Variants in COBL observed in about 807,000 individuals in gnomAD.
The protein encoded by COBL is protein cordon-bleu.
COBL carries 51 observed loss-of-function variants against 98.8 expected under a neutral mutation model. The observed-to-expected ratio is 0.52, with a 90% CI of 0.41 to 0.65. The LOEUF (loss-of-function observed/expected upper bound fraction) is 0.65, where lower values mean the gene tolerates loss of function less well. Among genes scored for constraint, COBL ranks in the 30% least tolerant of loss-of-function variants. The pLI, the probability that COBL is intolerant of heterozygous loss-of-function variation, is 0.00. For missense variants in COBL, 1,617 were observed against 1,617.5 expected, an observed-to-expected ratio of 1.00 and a Z score of 0.01; for synonymous variants, 634 against 651.7, an observed-to-expected ratio of 0.97 and a Z score of 0.41.
At position 51,316,745 on chromosome 7, in the gene COBL, T is replaced by G; in HGVS notation, c.-112A>C. On this transcript the variant is annotated 5_prime_UTR_variant, in exon 1 of 13. Coordinates refer to ENST00000265136, the MANE Select transcript of COBL (RefSeq NM_015198.5). ...CTTTTTCCGCGCTGACCCATCGTCC[T>G]CCCACGCGGGCCGGCGGAGGACAGC... 1.2e-6 allele frequency: 1 copy of G among 854,894 alleles called. No homozygotes were observed. The highest frequency in any genetic ancestry group is 3.9e-5 in the East Asian group (1 of 25,958). 53.0% of individuals were successfully genotyped at this position (854,894 alleles called of 1,614,324 possible).
At chr7:51,023,983 C>G (rs1787210022) in intron 12 of COBL, among the ~76,000 whole-genome samples, 1 of 152,162 alleles carries the variant, frequency 6.6e-6, no homozygotes, top group Non-Finnish European at 1.5e-5. Flanking sequence ...CAAGTGAAAA[C>G]ATAAGCTTAG....
At chr7:51,074,283 A>C (rs886177135) in intron 7 of COBL, among the ~76,000 whole-genome samples, 1 of 142,538 alleles carries the variant, frequency 7.0e-6, no homozygotes, top group Non-Finnish European at 1.5e-5. Flanking sequence ...GCAACCTCCA[A>C]CTCCCTGATT....
intron 5 of COBL, among the ~76,000 whole-genome samples, chr7:51,147,047 G>A (rs1242538966): frequency 2.6e-5 from 4 of 152,280 alleles, no homozygotes; most frequent in African/African-American, 4.8e-5. Context: ...CCTGCATAGG[G>A]ACAGCAGAAG....
At chr7:51,144,770 A>G (rs1300421258) in intron 5 of COBL, among the ~76,000 whole-genome samples, 1 of 152,160 alleles carries the variant, frequency 6.6e-6, no homozygotes. Context: ...TACCTGTTCC[A>G]TATGTTTCAT....
chr7:51,088,346 C>T (rs1419754648), intron 6 of COBL, among the ~76,000 whole-genome samples: 1 of 106,002 alleles, frequency 9.4e-6, no homozygotes, highest in Non-Finnish European at 2.0e-5. Context: ...TGATTTCCCC[C>T]CCTCTTGGAA....
intron 1 of COBL, among the ~76,000 whole-genome samples, chr7:51,258,562 A>G (rs1797404780): frequency 6.6e-6 from 1 of 152,094 alleles, no homozygotes; most frequent in African/African-American, 2.4e-5. Flanking sequence ...CTTTTCTTTG[A>G]CCCTTCCTTT....
Position 51,058,256 on chromosome 7 carries a change from A to G in COBL, c.1097-14564T>C, listed in dbSNP as rs1337869781. ...ACATTTTTCTCCATCTTTTGTGTCA[A>G]TTTAAACAATTATGGGTACCGTGAC... On this transcript the variant is annotated intron_variant, in intron 7 of 12. Coordinates refer to ENST00000265136, the MANE Select transcript of COBL (RefSeq NM_015198.5). Among the ~76,000 whole-genome samples, 4 of 152,254 alleles carry G rather than the reference A, an allele frequency of 2.6e-5. No homozygotes were observed. In the South Asian group the frequency reaches 8.3e-4, roughly 32 times the overall value.
At chr7:51,314,722 A>G (rs565288506) in intron 1 of COBL, among the ~76,000 whole-genome samples, 1 of 152,380 alleles carries the variant, frequency 6.6e-6, no homozygotes, top group East Asian at 1.9e-4. Flanking sequence ...TTTCTTGGAC[A>G]AAGATGTTCG....
intron 7 of COBL, among the ~76,000 whole-genome samples, chr7:51,056,321 G>C (rs1402489799): frequency 2.0e-5 from 3 of 151,858 alleles, no homozygotes; most frequent in Non-Finnish European, 4.4e-5. Flanking sequence ...AGATGCTGGA[G>C]AAAACAGAGG....
chr7:51,265,494 G>T (rs1377280485), intron 1 of COBL, among the ~76,000 whole-genome samples: 3 of 152,174 alleles, frequency 2.0e-5, no homozygotes, highest in Non-Finnish European at 4.4e-5. Flanking sequence ...GGTGAGGCAG[G>T]GTGTTTGCAG....
Position 51,018,900 on chromosome 7 carries a change from AAAAAAATAT to A in COBL, c.3769-1341_3769-1333del, listed in dbSNP as rs1489502392. 2.2e-4 allele frequency among the ~76,000 whole-genome samples: 13 copies of A among 59,694 alleles called. 2 individuals are homozygous for A. Among genetic ancestry groups the A allele is most frequent in the African/African-American group, 8.0e-4 (11 of 13,740 alleles). 39.2% of individuals were successfully genotyped at this position (59,694 alleles called of 152,430 possible). The stretch of plus-strand genomic sequence containing the variant: ...GAGAGAAACTCCATCTCAAAAAAAA[AAAAAAATAT>A]ATATATATATATATATATATATATA... On this transcript the variant is annotated intron_variant, in intron 12 of 12. Coordinates refer to ENST00000265136, the MANE Select transcript of COBL (RefSeq NM_015198.5).
intron 5 of COBL, among the ~76,000 whole-genome samples, chr7:51,176,080 C>T (rs1415431829): frequency 6.6e-6 from 1 of 152,114 alleles, no homozygotes; most frequent in Non-Finnish European, 1.5e-5. Flanking sequence ...GGGGCTTGTA[C>T]CCCATTTGCA....
intron 6 of COBL, among the ~76,000 whole-genome samples, chr7:51,101,854 C>T (rs1289164095): frequency 6.6e-6 from 1 of 152,150 alleles, no homozygotes; most frequent in African/African-American, 2.4e-5. Context: ...AGTGCCTTCT[C>T]GTTATGGACT....
At chr7:51,280,974 A>G (rs1200493463) in intron 1 of COBL, among the ~76,000 whole-genome samples, 1 of 152,230 alleles carries the variant, frequency 6.6e-6, no homozygotes, top group Non-Finnish European at 1.5e-5. Context: ...CCAGAGTACC[A>G]TAATGAAATA....
chr7:51,212,520 T>C (rs1404246278), intron 2 of COBL, among the ~76,000 whole-genome samples: 1 of 152,158 alleles, frequency 6.6e-6, no homozygotes, highest in East Asian at 1.9e-4. Flanking sequence ...AAGCCAGCTG[T>C]CCTACCAGAT....
At chr7:51,263,613 T>C (rs1294101457) in intron 1 of COBL, among the ~76,000 whole-genome samples, 1 of 152,018 alleles carries the variant, frequency 6.6e-6, no homozygotes, top group Non-Finnish European at 1.5e-5. Context: ...CTGAGTGCTT[T>C]TAGTTGAAGC....
intron 2 of COBL, among the ~76,000 whole-genome samples, chr7:51,218,949 GT>G (rs772458224): frequency 6.6e-6 from 1 of 152,060 alleles, no homozygotes. Context: ...GACTTTGTTA[GT>G]TTTTTTATTA....
At chr7:51,215,657 G>A (rs955690997) in intron 2 of COBL, among the ~76,000 whole-genome samples, 2 of 152,228 alleles carry the variant, frequency 1.3e-5, no homozygotes, top group African/African-American at 4.8e-5. Context: ...AGCCTTCTTG[G>A]GGCCTACTCA....
At position 51,083,083 on chromosome 7, in the gene COBL, G is replaced by A. The variant is rs529796313; in HGVS notation, c.1096+2083C>T. 6.9e-5 allele frequency: 106 copies of A among 1,535,880 alleles called. 1 individual carries two copies. The East Asian group carries it at 2.1e-3, about 30-fold the overall frequency. On this transcript the variant is annotated intron_variant, in intron 7 of 12. Coordinates refer to ENST00000265136, the MANE Select transcript of COBL (RefSeq NM_015198.5). ...GTTTGGGTATCGGGTCTGAGGCCTC[G>A]GAACCAGCGCCTTCCCCGGGAAAGC...
Sources: allele counts gnomAD v4.1 joint callset (sites outside exome capture counted in the v4.1 genomes callset), GRCh38; gene constraint gnomAD v4.1.1; transcripts MANE v1.5; gene names NCBI Gene and HGNC (gene_info 2026-07-23, HGNC 2026-07-21).